Variants in PPP1R37 observed in about 807,000 individuals in gnomAD.
The protein encoded by PPP1R37 is protein phosphatase 1 regulatory subunit 37.
A neutral mutation model predicts 61.0 loss-of-function variants in PPP1R37; 21 were observed. The ratio of observed to expected loss-of-function variants is 0.34; its 90% CI spans 0.24 to 0.50. PPP1R37 has a LOEUF of 0.50. Among genes scored for constraint, PPP1R37 ranks in the 20% least tolerant of loss-of-function variants. PPP1R37 has a pLI of 0.98. For synonymous variants in PPP1R37, 443 were observed against 433.5 expected (o/e 1.02, Z -0.27); for missense variants, 910 against 952.7 (o/e 0.96, Z 0.59).
At chr19:45,142,489 CG>C (rs1968627304) in intron 7 of PPP1R37, 31 bp downstream of exon 7, 1 of 1,532,350 alleles carries the variant, frequency 6.5e-7, no homozygotes, top group Non-Finnish European at 8.7e-7. Context: ...CACCCACACC[CG>C]TCACCCAGCA....
chr19:45,118,119 A>C (rs1020714758), intron 1 of PPP1R37, among the ~76,000 whole-genome samples: 1 of 152,236 alleles, frequency 6.6e-6, no homozygotes, highest in Non-Finnish European at 1.5e-5. Context: ...CTGGGCTTCC[A>C]ACTGCCTACA....
intron 1 of PPP1R37, 39 bp downstream of exon 1, chr19:45,093,566 G>A: frequency 6.7e-7 from 1 of 1,498,674 alleles, no homozygotes; most frequent in Non-Finnish European, 9.0e-7. Flanking sequence ...GCTCGAGAGG[G>A]ACCCGGGAGT....
chr19:45,101,776 T>G (rs1968066827), intron 1 of PPP1R37, among the ~76,000 whole-genome samples: 1 of 152,042 alleles, frequency 6.6e-6, no homozygotes, highest in African/African-American at 2.4e-5. Context: ...GGAGGTGACA[T>G]GAATAGGGTG....
chr19:45,106,600 A>G (rs910197393), intron 1 of PPP1R37, among the ~76,000 whole-genome samples: 2 of 151,912 alleles, frequency 1.3e-5, no homozygotes, highest in Non-Finnish European at 2.9e-5. Context: ...CAGTAGTGCA[A>G]TCCTAGCTCA....
chr19:45,145,652 G>C lies in PPP1R37; in HGVS notation c.1596G>C (p.Val532=), dbSNP rs1568452472. 11 of 1,535,498 alleles carry C rather than the reference G, an allele frequency of 7.2e-6. No homozygotes were observed. Among genetic ancestry groups the C allele is most frequent in the South Asian group, 7.1e-5 (6 of 84,014 alleles). Residue 532 remains valine (V), a synonymous_variant, in exon 11 of 13, where the codon GTG becomes GTC. Coordinates refer to ENST00000221462, the MANE Select transcript of PPP1R37 (RefSeq NM_019121.2). ...ERDETPCPAL[V]PPTDSLGPGD... is the part of the protein sequence containing the mutation. ...ACGAGACCCCCTGTCCTGCCCTGGT[G>C]CCCCCCACGGACTCCCTGGGCCCTG... is the stretch of plus-strand genomic sequence containing the variant.
chr19:45,110,888 T>C (rs922385976), intron 1 of PPP1R37, among the ~76,000 whole-genome samples: 3 of 152,138 alleles, frequency 2.0e-5, no homozygotes, highest in African/African-American at 7.2e-5. Flanking sequence ...CTGGTACCCA[T>C]GACCAGAAGC....
intron 1 of PPP1R37, among the ~76,000 whole-genome samples, chr19:45,100,617 G>T (rs1019162473): frequency 6.6e-6 from 1 of 152,248 alleles, no homozygotes. Flanking sequence ...CGAAGCCTGC[G>T]CAGTAATAAC....
intron 1 of PPP1R37, among the ~76,000 whole-genome samples, chr19:45,112,980 A>C (rs1968220741): frequency 6.6e-6 from 1 of 152,188 alleles, no homozygotes; most frequent in Non-Finnish European, 1.5e-5. Flanking sequence ...CTAATGCCTG[A>C]GTGTTCAAGA....
intron 1 of PPP1R37, among the ~76,000 whole-genome samples, chr19:45,099,587 T>G (rs1968036486): frequency 6.6e-6 from 1 of 152,252 alleles, no homozygotes; most frequent in South Asian, 2.1e-4. Context: ...CTTTGCACAC[T>G]GTGACTCGCC....
At position 45,146,564 on chromosome 19, in the gene PPP1R37, C is replaced by T. The variant is rs940192628; in HGVS notation, c.*9-7C>T. ...GACAGTCTCTCCCCCAATCTCTCCT[C>T]CCCAAGTTCCCTTTTTCCGGTCGGT... On this transcript the variant is annotated splice_polypyrimidine_tract_variant and splice_region_variant and intron_variant, in intron 12 of 12. Coordinates refer to ENST00000221462, the MANE Select transcript of PPP1R37 (RefSeq NM_019121.2). The T allele has an allele frequency of 7.1e-6, 7 of 989,420 alleles. No homozygotes were observed. The highest frequency in any genetic ancestry group is 4.6e-5 in the Admixed American group (2 of 43,854). 61.3% of individuals were successfully genotyped at this position (989,420 alleles called of 1,614,324 possible).
intron 2 of PPP1R37, among the ~76,000 whole-genome samples, chr19:45,138,974 C>T (rs1233642448): frequency 1.6e-5 from 2 of 124,302 alleles, no homozygotes; most frequent in Admixed American, 1.1e-4. Context: ...AGTACAGTGG[C>T]GCCATTTCGG....
chr19:45,141,017 CAGGG>C (rs1968604347), intron 4 of PPP1R37, among the ~76,000 whole-genome samples: 1 of 152,184 alleles, frequency 6.6e-6, no homozygotes, highest in African/African-American at 2.4e-5. Flanking sequence ...TGTCGGGATC[CAGGG>C]GCAGGGGACC....
intron 1 of PPP1R37, chr19:45,128,514 G>A (rs2122738615): frequency 9.5e-7 from 1 of 1,047,992 alleles, no homozygotes; most frequent in Middle Eastern, 3.4e-4. Context: ...TTTGCAGCGA[G>A]AAGACAAGGT....
intron 8 of PPP1R37, 151 bp from the exon 9 acceptor site, chr19:45,144,703 C>T (rs1968660972): frequency 7.7e-6 from 5 of 646,944 alleles, no homozygotes; most frequent in Admixed American, 3.3e-5. Flanking sequence ...AGGCCTGCGG[C>T]AGGGCAGGAC....
intron 1 of PPP1R37, among the ~76,000 whole-genome samples, chr19:45,118,107 G>A (rs977410032): frequency 1.3e-5 from 2 of 152,210 alleles, no homozygotes; most frequent in East Asian, 1.9e-4. Flanking sequence ...AGAAGTCCCC[G>A]CCTGGGCTTC....
At chr19:45,140,789 G>A (rs1402363314) in intron 4 of PPP1R37, 183 bp downstream of exon 4, 1 of 592,952 alleles carries the variant, frequency 1.7e-6, no homozygotes, top group East Asian at 2.8e-5. Flanking sequence ...GGATGTGGAG[G>A]GCGCGTTGGG....
At chr19:45,129,043 G>C in intron 1 of PPP1R37, 1 of 769,208 alleles carries the variant, frequency 1.3e-6, no homozygotes. Context: ...CTGGCTCCCA[G>C]GGTGACAGTG....
At chr19:45,127,068 G>T (rs539416681) in intron 1 of PPP1R37, among the ~76,000 whole-genome samples, 5 of 152,294 alleles carry the variant, frequency 3.3e-5, no homozygotes, top group Admixed American at 2.0e-4. Context: ...ACCTAGGCCT[G>T]GTCAGGCCTG....
At chr19:45,144,556 C>T (rs1968658253) in intron 8 of PPP1R37, 2 of 417,850 alleles carry the variant, frequency 4.8e-6, no homozygotes, top group African/African-American at 2.1e-5. Flanking sequence ...TTGGGGGCTT[C>T]AGGGCGCTCA....
Sources: allele counts gnomAD v4.1 joint callset (sites outside exome capture counted in the v4.1 genomes callset), GRCh38; gene constraint gnomAD v4.1.1; transcripts MANE v1.5; gene names NCBI Gene and HGNC (gene_info 2026-07-23, HGNC 2026-07-21).